The following PPP3CA variants were observed in gnomAD, a reference collection of about 807,000 sequenced individuals.
The protein encoded by PPP3CA is CAM-PRP catalytic subunit.
A neutral mutation model predicts 66.5 loss-of-function variants in PPP3CA; 14 were observed. The observed-to-expected ratio is 0.21, with a 90% CI of 0.14 to 0.33. The LOEUF is 0.33. Ranked by LOEUF, PPP3CA falls within the 10% of genes least tolerant of loss-of-function variation. PPP3CA has a pLI of 1.00. For synonymous variants in PPP3CA, 232 were observed against 226.2 expected, an observed-to-expected ratio of 1.03 and a Z score of -0.23; for missense variants, 317 against 639.5, an observed-to-expected ratio of 0.50 and a Z score of 5.44.
At chr4:101,189,687 C>CAAAAAAAAAAAAAAA (rs554383258) in intron 2 of PPP3CA, among the ~76,000 whole-genome samples, 1 of 72,622 alleles carries the variant, frequency 1.4e-5, no homozygotes. Flanking sequence ...TAGTGAACGG[C>CAAAAAAAAAAAAAAA]AAAAAAAAAA....
At chr4:101,154,339 A>C (rs1055707429) in intron 2 of PPP3CA, among the ~76,000 whole-genome samples, 3 of 152,210 alleles carry the variant, frequency 2.0e-5, no homozygotes, top group Non-Finnish European at 4.4e-5. Flanking sequence ...CATATCAAGT[A>C]ACAGAATTCT....
intron 1 of PPP3CA, among the ~76,000 whole-genome samples, chr4:101,339,098 G>A (rs1361845135): frequency 6.6e-6 from 1 of 152,156 alleles, no homozygotes; most frequent in Non-Finnish European, 1.5e-5. Context: ...TCCACTGGAT[G>A]GCATCCAATG....
At chr4:101,236,150 T>C (rs181669292) in intron 1 of PPP3CA, among the ~76,000 whole-genome samples, 1 of 152,002 alleles carries the variant, frequency 6.6e-6, no homozygotes, top group East Asian at 1.9e-4. Context: ...TCACAAATTA[T>C]AGCAAATGCA....
At chr4:101,106,433 GAAAGAAAGAAAGAAAGAAAGAGAAA>G (rs1730704358) in intron 3 of PPP3CA, among the ~76,000 whole-genome samples, 1 of 11,708 alleles carries the variant, frequency 8.5e-5, no homozygotes, top group Non-Finnish European at 1.8e-4. Flanking sequence ...AAGAAAGAAA[GAAAGAAAGAAAGAAAGAAAGAGAAA>G]AGAAAAGAAA....
rs141747734 is a variant in PPP3CA at position 101,068,578 on chromosome 4, T to C, written c.956-5221A>G. On this transcript the variant is annotated intron_variant, in intron 8 of 13. Coordinates refer to ENST00000394854, the MANE Select transcript of PPP3CA (RefSeq NM_000944.5). ...CAATTTTCATTTAAGATTGTGTGAA[T>C]ATGCATATATGCATATTCACATATA... Among the ~76,000 whole-genome samples the C allele has an allele frequency of 2.0e-5, 3 of 152,244 alleles. No homozygotes were observed. The East Asian group carries it at 5.8e-4, about 29-fold the overall frequency.
chr4:101,345,784 G>A (rs541228006), intron 1 of PPP3CA, among the ~76,000 whole-genome samples: 1 of 152,268 alleles, frequency 6.6e-6, no homozygotes, highest in East Asian at 1.9e-4. Context: ...TCCTTGCCAG[G>A]AGTTTATCAT....
At chr4:101,238,690 A>G (rs928534062) in intron 1 of PPP3CA, among the ~76,000 whole-genome samples, 4 of 152,052 alleles carry the variant, frequency 2.6e-5, no homozygotes, top group African/African-American at 7.2e-5. Flanking sequence ...TCAAGAATCA[A>G]TATTTATCTC....
chr4:101,314,755 A>C (rs72681099), intron 1 of PPP3CA, among the ~76,000 whole-genome samples: 272 of 152,066 alleles, frequency 1.8e-3, no homozygotes, highest in Middle Eastern at 6.8e-3. Context: ...TATTTTTGAC[A>C]TTTTTTTCAA....
intron 1 of PPP3CA, among the ~76,000 whole-genome samples, chr4:101,245,365 T>C (rs1169514321): frequency 1.3e-5 from 2 of 152,120 alleles, no homozygotes; most frequent in African/African-American, 2.4e-5. Flanking sequence ...TTCTGATTTC[T>C]CATCTTTTTA....
In PPP3CA at chr4:101,136,030, G is replaced by A. The variant is rs1722609907; in HGVS notation, c.260-26952C>T. ...TGAGGATTAAAAAGTATATTGCATTGTGGCTGTCACTACCATATTTCAATA... is the reference window on the plus strand; with the variant it reads ...TGAGGATTAAAAAGTATATTGCATTATGGCTGTCACTACCATATTTCAATA... On this transcript the variant is annotated intron_variant, in intron 2 of 13. Transcript: ENST00000394854. Among the ~76,000 whole-genome samples, 3 of 152,126 alleles carry A rather than the reference G, an allele frequency of 2.0e-5. No homozygotes were observed. In the South Asian group the frequency reaches 6.2e-4, roughly 32 times the overall value.
chr4:101,151,723 C>G (rs1723148009), intron 2 of PPP3CA, among the ~76,000 whole-genome samples: 2 of 116,548 alleles, frequency 1.7e-5, no homozygotes, highest in East Asian at 5.9e-4. Flanking sequence ...GTGGCGCAAT[C>G]TCAGCTCACT....
chr4:101,273,428 G>C (rs1301589736), intron 1 of PPP3CA, among the ~76,000 whole-genome samples: 2 of 152,160 alleles, frequency 1.3e-5, no homozygotes, highest in Non-Finnish European at 2.9e-5. Flanking sequence ...CCGGGTTCAA[G>C]CTATTCTCCT....
At chr4:101,206,800 A>G (rs1274214275) in intron 1 of PPP3CA, among the ~76,000 whole-genome samples, 1 of 152,256 alleles carries the variant, frequency 6.6e-6, no homozygotes, top group Non-Finnish European at 1.5e-5. Flanking sequence ...CTAAGAAGAC[A>G]GAATAGAAAA....
intron 6 of PPP3CA, among the ~76,000 whole-genome samples, chr4:101,092,522 G>A (rs1013919176): frequency 2.0e-5 from 3 of 151,426 alleles, no homozygotes; most frequent in East Asian, 1.9e-4. Context: ...GTGCCCTGGC[G>A]GTTTGTTGCA....
At chr4:101,046,128 A>G (rs1727753965) in intron 10 of PPP3CA, among the ~76,000 whole-genome samples, 1 of 152,152 alleles carries the variant, frequency 6.6e-6, no homozygotes, top group East Asian at 1.9e-4. Context: ...CTGGAGTTAC[A>G]TTCTCCCCAT....
intron 4 of PPP3CA, among the ~76,000 whole-genome samples, chr4:101,099,265 T>A (rs1025404132): frequency 6.6e-6 from 1 of 152,128 alleles, no homozygotes; most frequent in Non-Finnish European, 1.5e-5. Context: ...AACAGAGGCA[T>A]AGGGTTGAAT....
intron 11 of PPP3CA, among the ~76,000 whole-genome samples, chr4:101,039,018 A>G (rs146157398): frequency 6.8e-6 from 1 of 146,844 alleles, no homozygotes; most frequent in African/African-American, 2.5e-5. Flanking sequence ...AAGAAATAAA[A>G]GCATTATTGG....
At chr4:101,322,513 C>A (rs181956012) in intron 1 of PPP3CA, among the ~76,000 whole-genome samples, 1 of 148,976 alleles carries the variant, frequency 6.7e-6, no homozygotes, top group African/African-American at 2.6e-5. Context: ...CGGGTTCAAG[C>A]GATTCTCGTG....
Position 101,061,145 on chromosome 4 carries a change from T to C in PPP3CA, c.1098A>G (p.Val366=). Residue 366 remains valine, a synonymous_variant, in exon 10 of 14, where the codon GTA becomes GTG. Transcript: ENST00000394854. The part of the protein sequence containing the change: ...FVGEKVTEML[V]NVLNICSDDE... ...CATCTGAGCAGATGTTGAGGACATT[T>C]ACCAGCATCTCAGTCACTAAAGAGA... 1 of 1,611,998 alleles carries C rather than the reference T, an allele frequency of 6.2e-7. No homozygotes were observed. The highest frequency in any genetic ancestry group is 1.1e-5 in the South Asian group (1 of 91,044).
Sources: allele counts gnomAD v4.1 joint callset (sites outside exome capture counted in the v4.1 genomes callset), GRCh38; gene constraint gnomAD v4.1.1; transcripts MANE v1.5; gene names NCBI Gene and HGNC (gene_info 2026-07-23, HGNC 2026-07-21).